Variants in LGR5 observed in about 807,000 individuals in gnomAD.
LGR5 encodes leucine rich repeat containing G protein-coupled receptor 5.
Under a neutral mutation model 76.7 loss-of-function variants are expected in LGR5, and 54 were observed. The ratio of observed to expected loss-of-function variants is 0.70; its 90% CI spans 0.57 to 0.88. The LOEUF is 0.88. Among genes scored for constraint, LGR5 ranks in the 40% least tolerant of loss-of-function variants. The pLI, the probability that LGR5 is intolerant of heterozygous loss-of-function variation, is 0.00. For missense variants in LGR5, 1,078 were observed against 1,073.3 expected, an observed-to-expected ratio of 1.00 and a Z score of -0.06; for synonymous variants, 406 against 421.9, an observed-to-expected ratio of 0.96 and a Z score of 0.46.
chr12:71,482,421 A>G (rs1018406817), intron 1 of LGR5, among the ~76,000 whole-genome samples: 6 of 152,080 alleles, frequency 3.9e-5, no homozygotes, highest in Admixed American at 1.3e-4. Context: ...GTGTCTCCAC[A>G]TGGCCTTCCC....
chr12:71,471,593 T>G (rs1278459550), intron 1 of LGR5, among the ~76,000 whole-genome samples: 1 of 152,062 alleles, frequency 6.6e-6, no homozygotes, highest in Non-Finnish European at 1.5e-5. Flanking sequence ...TTGTAATACT[T>G]TAGGTGAGTT....
At chr12:71,504,166 CA>C (rs530991840) in intron 1 of LGR5, among the ~76,000 whole-genome samples, 52 of 151,912 alleles carry the variant, frequency 3.4e-4, no homozygotes, top group African/African-American at 1.1e-3. Context: ...TTCTTTGAAT[CA>C]AAACATTTGT....
intron 1 of LGR5, among the ~76,000 whole-genome samples, chr12:71,454,339 C>T (rs926013432): frequency 3.3e-5 from 5 of 152,044 alleles, no homozygotes; most frequent in East Asian, 1.9e-4. Context: ...TGGAAGAAAC[C>T]GTCAGACATC....
intron 1 of LGR5, among the ~76,000 whole-genome samples, chr12:71,443,641 T>C (rs949310140): frequency 1.3e-5 from 2 of 152,252 alleles, no homozygotes; most frequent in African/African-American, 4.8e-5. Flanking sequence ...GTTATTTTAA[T>C]GCATCAAATG....
At chr12:71,559,677 A>C (rs766585390) in intron 7 of LGR5, 23 bp downstream of exon 7, 1 of 1,206,562 alleles carries the variant, frequency 8.3e-7, no homozygotes, top group Middle Eastern at 1.9e-4. Flanking sequence ...GACAATTTTA[A>C]TGGGAGAACT....
rs551896479 is a variant in LGR5 at position 71,523,887 on chromosome 12, A to G, written c.285-519A>G. On this transcript the variant is annotated intron_variant, in intron 2 of 17. Coordinates refer to ENST00000266674, the MANE Select transcript of LGR5 (RefSeq NM_003667.4). The stretch of plus-strand genomic sequence containing the variant: ...TGCTCTATTAAATCATGTTAAATTA[A>G]GGTACTCTATCCTTTTCTGGTAGAG... Among the ~76,000 whole-genome samples the G allele has an allele frequency of 3.9e-5, 6 of 152,322 alleles. No homozygotes were observed. In the South Asian group the frequency reaches 1.2e-3, roughly 32 times the overall value.
intron 1 of LGR5, among the ~76,000 whole-genome samples, chr12:71,441,144 C>A (rs531445313): frequency 6.6e-6 from 1 of 152,154 alleles, no homozygotes; most frequent in Non-Finnish European, 1.5e-5. Context: ...CCTTCTCTCC[C>A]CACTGCAACT....
chr12:71,479,908 G>A (rs1873510399), intron 1 of LGR5, among the ~76,000 whole-genome samples: 1 of 152,146 alleles, frequency 6.6e-6, no homozygotes, highest in South Asian at 2.1e-4. Flanking sequence ...ACCATGCTTA[G>A]GCATTTGCAT....
At chr12:71,465,138 C>A (rs916545717) in intron 1 of LGR5, among the ~76,000 whole-genome samples, 1 of 152,130 alleles carries the variant, frequency 6.6e-6, no homozygotes, top group African/African-American at 2.4e-5. Flanking sequence ...TTTAATCGTT[C>A]ACCAAGGCAG....
intron 16 of LGR5, chr12:71,582,230 G>C: frequency 2.2e-6 from 1 of 460,368 alleles, no homozygotes; most frequent in Non-Finnish European, 4.0e-6. Context: ...GTTACACCCG[G>C]CGTCTTGGGT....
Position 71,572,204 on chromosome 12 carries a change from T to A in LGR5, c.1136+625T>A, listed in dbSNP as rs140953585. Among the ~76,000 whole-genome samples the A allele has an allele frequency of 9.7e-4, 146 of 151,098 alleles. 2 individuals carry two copies. Among genetic ancestry groups the A allele is most frequent in the African/African-American group, 3.4e-3 (139 of 41,186 alleles). ...TTCAAGCAATTCTCCTGCCTCAGCC[T>A]CCCGAGTAGCTGGGATTACAGGCAC... On this transcript the variant is annotated intron_variant, in intron 12 of 17. Transcript: ENST00000266674.
At chr12:71,561,225 G>A (rs1469081131) in intron 7 of LGR5, among the ~76,000 whole-genome samples, 1 of 152,150 alleles carries the variant, frequency 6.6e-6, no homozygotes, top group African/African-American at 2.4e-5. Context: ...GCCCAAATAA[G>A]CTCCAAAGAT....
rs369874020 is a variant in LGR5, at chr12:71,535,170, C to T, written c.412C>T (p.Arg138Ter). Residue 138 changes from arginine (R) to a stop codon, truncating the protein, a stop_gained, in exon 4 of 18, where the codon CGA becomes TGA. Coordinates refer to ENST00000266674, the MANE Select transcript of LGR5 (RefSeq NM_003667.4). LOFTEE classifies it high-confidence loss of function. ...HVPTEALQNL[R>*]SLQSLRLDAN... is the part of the protein sequence containing the mutation. ...ACCCACAGAAGCTCTGCAGAATTTG[C>T]GAAGCCTTCAATCCCTGTAAGTATA... 9 of 1,607,260 alleles carry T rather than the reference C, an allele frequency of 5.6e-6. No individual in the cohort carries two copies. Among genetic ancestry groups the T allele is most frequent in the African/African-American group, 1.3e-5 (1 of 74,758 alleles).
rs755979830 is a variant in LGR5 at position 71,535,165 on chromosome 12, A to C, written c.407A>C (p.Asn136Thr). The C allele has an allele frequency of 1.2e-6, 2 of 1,610,848 alleles. No homozygotes were observed. The highest frequency in any genetic ancestry group is 2.2e-5 in the South Asian group (2 of 91,022). The change falls in exon 4 of 18, where the codon AAT becomes ACT. Residue 136 changes from asparagine (N) to threonine (T), a missense_variant. Transcript: ENST00000266674. ...LRHVPTEALQNLRSLQSLRLD... is the reference protein window; with the variant it reads ...LRHVPTEALQTLRSLQSLRLD... The stretch of plus-strand genomic sequence containing the variant: ...CACGTACCCACAGAAGCTCTGCAGA[A>C]TTTGCGAAGCCTTCAATCCCTGTAA...
rs575951599 is a variant in LGR5 at position 71,472,485 on chromosome 12, A to C, written c.213-32129A>C. ...CCGGAGCAAGTATGCCCACAGATAC[A>C]TACCCAGTAAACAGGGAAATCACTC... On this transcript the variant is annotated intron_variant, in intron 1 of 17. Transcript: ENST00000266674. 7.2e-5 allele frequency among the ~76,000 whole-genome samples: 11 copies of C among 152,336 alleles called. 1 individual carries two copies. The Middle Eastern group carries it at 0.01, about 141-fold the overall frequency.
At chr12:71,456,636 C>A (rs1366844057) in intron 1 of LGR5, among the ~76,000 whole-genome samples, 1 of 152,008 alleles carries the variant, frequency 6.6e-6, no homozygotes, top group Non-Finnish European at 1.5e-5. Context: ...TTAAATGGAG[C>A]TAAATGCAAG....
At chr12:71,461,890 C>A (rs1450168443) in intron 1 of LGR5, among the ~76,000 whole-genome samples, 1 of 152,158 alleles carries the variant, frequency 6.6e-6, no homozygotes, top group East Asian at 1.9e-4. Context: ...CTTGTCCCAT[C>A]TGAAGTGGGG....
chr12:71,555,859 A>G lies in LGR5; in HGVS notation c.645-760A>G, dbSNP rs145020780. Among the ~76,000 whole-genome samples the G allele has an allele frequency of 9.5e-4, 144 of 152,354 alleles. 3 individuals carry two copies. The East Asian group carries it at 0.027, about 28-fold the overall frequency. On this transcript the variant is annotated intron_variant, in intron 5 of 17. Transcript: ENST00000266674. ...AAAGGAATAGAAATCATTCTATTAT[A>G]AAGACACATGCATGTGTATGTTCAC...
At chr12:71,516,413 A>G (rs1875440540) in intron 2 of LGR5, among the ~76,000 whole-genome samples, 1 of 152,154 alleles carries the variant, frequency 6.6e-6, no homozygotes, top group African/African-American at 2.4e-5. Context: ...TAACTCTGAA[A>G]ATGCTACTCA....
Sources: gnomAD v4.1 joint callset for allele counts (sites outside exome capture counted in the v4.1 genomes callset) on GRCh38, gnomAD v4.1.1 for gene constraint, MANE v1.5 for transcripts, NCBI Gene and HGNC (gene_info 2026-07-23, HGNC 2026-07-21) for gene names.